Variants in CTIF observed in about 807,000 individuals in gnomAD.
CTIF encodes the protein CBP80/20-dependent translation initiation factor.
Under a neutral mutation model 66.0 loss-of-function variants are expected in CTIF, and 21 were observed. The observed-to-expected ratio is 0.32, with a 90% CI of 0.23 to 0.46. CTIF has a LOEUF of 0.46. Ranked by LOEUF, CTIF falls within the 20% of genes least tolerant of loss-of-function variation. The probability of loss-of-function intolerance (pLI) is 1.00; values close to 1 mark genes in which losing one functional copy is unlikely to be tolerated. For missense variants in CTIF, 739 were observed against 812.7 expected (o/e 0.91, Z 1.10); for synonymous variants, 345 against 326.4 (o/e 1.06, Z -0.62).
intron 7 of CTIF, 49 bp downstream of exon 7, chr18:48,711,744 C>A: frequency 1.3e-6 from 2 of 1,490,202 alleles, no homozygotes; most frequent in Non-Finnish European, 1.9e-6. Flanking sequence ...CCTGCTTCTG[C>A]CATCTGTAGC....
intron 7 of CTIF, among the ~76,000 whole-genome samples, chr18:48,729,269 C>A (rs971709958): frequency 2.0e-5 from 3 of 152,104 alleles, no homozygotes; most frequent in African/African-American, 7.2e-5. Flanking sequence ...CACCCACGTT[C>A]CCCCCACCAC....
Position 48,601,715 on chromosome 18 carries a change from C to T in CTIF, c.-28-17823C>T, listed in dbSNP as rs1168371373. ...TCACTGGCTTCTTGGACCAAGACTGCATATACTGATATGTTCAACTCACTG... is the reference window on the plus strand; with the variant it reads ...TCACTGGCTTCTTGGACCAAGACTGTATATACTGATATGTTCAACTCACTG... On this transcript the variant is annotated intron_variant, in intron 1 of 11. Transcript: ENST00000256413. Among the ~76,000 whole-genome samples, 3 of 152,228 alleles carry T rather than the reference C, an allele frequency of 2.0e-5. No individual in the cohort carries two copies. In the East Asian group the frequency reaches 5.8e-4, roughly 29 times the overall value.
Position 48,655,244 on chromosome 18 carries a change from G to A in CTIF, c.253-8508G>A, listed in dbSNP as rs2091226310. ...CGCTTGAACCTGGGAGGCCGAGGTT[G>A]CAGTAAGCTGAGATCACACCACTGC... On this transcript the variant is annotated intron_variant, in intron 3 of 11. Transcript: ENST00000256413. Among the ~76,000 whole-genome samples the A allele has an allele frequency of 3.4e-5, 5 of 148,568 alleles. No homozygotes were observed. In the South Asian group the frequency reaches 1.1e-3, roughly 32 times the overall value.
chr18:48,816,323 GA>G (rs2068363424), intron 9 of CTIF, among the ~76,000 whole-genome samples: 2 of 152,182 alleles, frequency 1.3e-5, no homozygotes, highest in Admixed American at 6.5e-5. Context: ...AGAGGTAGGG[GA>G]AATATCTTTC....
intron 9 of CTIF, among the ~76,000 whole-genome samples, chr18:48,811,638 T>C (rs1342463076): frequency 6.7e-6 from 1 of 148,534 alleles, no homozygotes; most frequent in East Asian, 2.2e-4. Context: ...TTTAGATACC[T>C]GCATAAGTGA....
chr18:48,818,518 C>T (rs576752043), intron 10 of CTIF, among the ~76,000 whole-genome samples: 2 of 152,064 alleles, frequency 1.3e-5, no homozygotes, highest in African/African-American at 2.4e-5. Flanking sequence ...GGAGGTTGGC[C>T]GGGTGGAAGG....
At chr18:48,748,360 G>T (rs1907462537) in intron 7 of CTIF, among the ~76,000 whole-genome samples, 1 of 152,074 alleles carries the variant, frequency 6.6e-6, no homozygotes, top group African/African-American at 2.4e-5. Context: ...TTGGGATGAA[G>T]GGAGGGAGGG....
At chr18:48,561,911 T>G (rs2089172422) in intron 1 of CTIF, among the ~76,000 whole-genome samples, 1 of 152,216 alleles carries the variant, frequency 6.6e-6, no homozygotes, top group African/African-American at 2.4e-5. Context: ...GCCCAATGCC[T>G]GTTTTTCTAA....
chr18:48,676,386 C>G (rs1446587547), intron 6 of CTIF, among the ~76,000 whole-genome samples: 2 of 152,248 alleles, frequency 1.3e-5, no homozygotes, highest in Non-Finnish European at 2.9e-5. Context: ...TGTCTGCTGT[C>G]TTTGGTCTGA....
rs533184947 is a variant in CTIF, at chr18:48,757,958, G to T, written c.624G>T (p.Gln208His). The change falls in exon 8 of 12, where the codon CAG (glutamine) becomes CAT (histidine). Residue 208 changes from glutamine (Q) to histidine (H), a missense_variant. Coordinates refer to ENST00000256413, the MANE Select transcript of CTIF (RefSeq NM_014772.3). ...QRPPGGNKPQ[Q>H]HGDHQPGSAK... is the part of the protein sequence containing the mutation. ...CTCCGGGGGGCAACAAGCCCCAACA[G>T]CATGGTGACCACCAGCCAGGCAGTG... 6.2e-7 allele frequency: 1 copy of T among 1,613,764 alleles called. No individual in the cohort carries two copies. Among genetic ancestry groups the T allele is most frequent in the African/African-American group, 1.3e-5 (1 of 75,018 alleles).
At chr18:48,680,033 C>T (rs530903896) in intron 6 of CTIF, among the ~76,000 whole-genome samples, 52 of 152,220 alleles carry the variant, frequency 3.4e-4, no homozygotes, top group Non-Finnish European at 6.8e-4. Context: ...GGGACTCAGC[C>T]GAATGCTCTC....
chr18:48,825,712 G>C (rs2068569800), intron 10 of CTIF, among the ~76,000 whole-genome samples: 1 of 152,186 alleles, frequency 6.6e-6, no homozygotes, highest in African/African-American at 2.4e-5. Flanking sequence ...GACCAAGATA[G>C]TCTGTTCCCC....
intron 1 of CTIF, chr18:48,565,178 G>A (rs1183318979): frequency 1.3e-5 from 2 of 152,290 alleles, no homozygotes; most frequent in South Asian, 2.1e-4. Context: ...GTCTTGTGAT[G>A]TGGAGACTTT....
intron 5 of CTIF, among the ~76,000 whole-genome samples, chr18:48,667,811 C>T (rs1049565083): frequency 3.3e-5 from 5 of 152,204 alleles, no homozygotes; most frequent in Non-Finnish European, 7.4e-5. Flanking sequence ...CAAAGCCTGT[C>T]ACTCCCAGGT....
In CTIF at chr18:48,734,561, C is replaced by A. The variant is rs563915381; in HGVS notation, c.584+22866C>A. 2.0e-5 allele frequency among the ~76,000 whole-genome samples: 3 copies of A among 152,272 alleles called. No individual in the cohort carries two copies. In the East Asian group the frequency reaches 5.8e-4, roughly 29 times the overall value. ...AGCCTGGGTGACAGAGTGAGTGAGA[C>A]TCTGTCTCAAAAAATAAAATAAAAT... On this transcript the variant is annotated intron_variant, in intron 7 of 11. Transcript: ENST00000256413.
intron 7 of CTIF, among the ~76,000 whole-genome samples, chr18:48,747,800 C>G (rs1295067047): frequency 6.6e-6 from 1 of 151,576 alleles, no homozygotes; most frequent in East Asian, 1.9e-4. Context: ...AGCCTGTAGT[C>G]CTCGCTACTT....
rs564012988 is a variant in CTIF at position 48,851,272 on chromosome 18, G to T, written c.1528-6316G>T. 5.3e-5 allele frequency among the ~76,000 whole-genome samples: 8 copies of T among 152,346 alleles called. No homozygotes were observed. The East Asian group carries it at 5.8e-4, about 11-fold the overall frequency. On this transcript the variant is annotated intron_variant, in intron 10 of 11. Coordinates refer to ENST00000256413, the MANE Select transcript of CTIF (RefSeq NM_014772.3). ...TGGGAAGGGGAAGTCACAAAGATAC[G>T]AGAAGGGAAGAAAAAGAGCAGGGAG...
chr18:48,684,264 A>G (rs1236898900), intron 6 of CTIF, among the ~76,000 whole-genome samples: 1 of 152,202 alleles, frequency 6.6e-6, no homozygotes, highest in Admixed American at 6.5e-5. Context: ...TTTTATCAAA[A>G]TAGTACCTGT....
intron 9 of CTIF, among the ~76,000 whole-genome samples, chr18:48,779,652 G>A (rs1308125953): frequency 2.0e-5 from 3 of 152,332 alleles, no homozygotes; most frequent in East Asian, 1.9e-4. Context: ...CCCGGCCAGC[G>A]CTTAGCAGCG....
Sources: gnomAD v4.1 joint callset for allele counts (sites outside exome capture counted in the v4.1 genomes callset) on GRCh38, gnomAD v4.1.1 for gene constraint, MANE v1.5 for transcripts, NCBI Gene and HGNC (gene_info 2026-07-23, HGNC 2026-07-21) for gene names.